The following GRXCR1 variants were observed in gnomAD, a reference collection of about 807,000 sequenced individuals.
GRXCR1 encodes the protein glutaredoxin and cysteine rich domain containing 1.
Under a neutral mutation model 27.3 loss-of-function variants are expected in GRXCR1, and 27 were observed. The ratio of observed to expected loss-of-function variants is 0.99; its 90% CI spans 0.73 to 1.37. GRXCR1 has a LOEUF of 1.37. GRXCR1 is among the 40% of genes most tolerant of loss of function. The probability of loss-of-function intolerance (pLI) is 0.00; values close to 1 mark genes in which losing one functional copy is unlikely to be tolerated. For synonymous variants in GRXCR1, 122 were observed against 131.1 expected (o/e 0.93, Z 0.47); for missense variants, 379 against 354.4 (o/e 1.07, Z -0.56).
chr4:42,906,550 A>G (rs570380373), intron 1 of GRXCR1, among the ~76,000 whole-genome samples: 2 of 152,298 alleles, frequency 1.3e-5, no homozygotes, highest in South Asian at 4.1e-4. Flanking sequence ...TCTGAGGAGA[A>G]TAATGTTAGA....
chr4:42,983,118 G>T (rs1165752037), intron 2 of GRXCR1, among the ~76,000 whole-genome samples: 1 of 150,472 alleles, frequency 6.6e-6, no homozygotes, highest in Non-Finnish European at 1.5e-5. Flanking sequence ...TTTTAGACAT[G>T]AAGTCCTTGC....
At chr4:43,017,816 A>G (rs542537471) in intron 2 of GRXCR1, among the ~76,000 whole-genome samples, 2 of 152,358 alleles carry the variant, frequency 1.3e-5, no homozygotes, top group Non-Finnish European at 2.9e-5. Context: ...GTAAGGAAAT[A>G]CACTCTCTTT....
At chr4:42,900,567 C>T (rs1050926812) in intron 1 of GRXCR1, among the ~76,000 whole-genome samples, 1 of 151,940 alleles carries the variant, frequency 6.6e-6, no homozygotes, top group Non-Finnish European at 1.5e-5. Flanking sequence ...TATATGAAAA[C>T]TCTGTATAAG....
At chr4:42,956,394 C>G (rs1054471114) in intron 1 of GRXCR1, among the ~76,000 whole-genome samples, 3 of 151,718 alleles carry the variant, frequency 2.0e-5, no homozygotes, top group Admixed American at 2.0e-4. Context: ...GACTTCTGGC[C>G]AGATGCTTTG....
At chr4:42,942,831 T>C in intron 1 of GRXCR1, among the ~76,000 whole-genome samples, 2 of 152,210 alleles carry the variant, frequency 1.3e-5, no homozygotes, top group Middle Eastern at 3.4e-3. Context: ...AAGTGGAAAG[T>C]AATAAAAAAT....
chr4:42,920,856 A>G (rs1257615675), intron 1 of GRXCR1, among the ~76,000 whole-genome samples: 1 of 151,404 alleles, frequency 6.6e-6, no homozygotes, highest in Non-Finnish European at 1.5e-5. Flanking sequence ...GGTTTTTTTG[A>G]TTTTCTTTAG....
intron 2 of GRXCR1, among the ~76,000 whole-genome samples, chr4:42,973,574 C>T (rs755004510): frequency 9.2e-5 from 14 of 152,172 alleles, no homozygotes; most frequent in South Asian, 2.1e-4. Flanking sequence ...ACAATTCCCC[C>T]ACTTACTCAG....
At chr4:43,026,074 G>A (rs981901404) in intron 3 of GRXCR1, among the ~76,000 whole-genome samples, 2 of 151,632 alleles carry the variant, frequency 1.3e-5, no homozygotes, top group Non-Finnish European at 2.9e-5. Flanking sequence ...CTAATAATTA[G>A]TAATATTATT....
intron 2 of GRXCR1, among the ~76,000 whole-genome samples, chr4:42,973,240 C>T (rs921636721): frequency 1.8e-4 from 27 of 151,462 alleles, no homozygotes; most frequent in Admixed American, 1.6e-3. Context: ...TTTAGAAAAT[C>T]CCCAAACCAT....
At chr4:42,991,263 T>A (rs576514516) in intron 2 of GRXCR1, among the ~76,000 whole-genome samples, 1 of 152,228 alleles carries the variant, frequency 6.6e-6, no homozygotes, top group African/African-American at 2.4e-5. Flanking sequence ...AAAACATAAT[T>A]GGATTTTATA....
Position 42,905,937 on chromosome 4 carries a change from G to A in GRXCR1, c.384+12287G>A, listed in dbSNP as rs113284342. Reference sequence around the variant, plus strand: ...TGCCACACCATTATCCAGGAATTTTGCTATGATATTAATTTTTCTTGTATG... The same window carrying A: ...TGCCACACCATTATCCAGGAATTTTACTATGATATTAATTTTTCTTGTATG... On this transcript the variant is annotated intron_variant, in intron 1 of 3. Transcript: ENST00000399770. 7.4e-3 allele frequency among the ~76,000 whole-genome samples: 1,130 copies of A among 152,254 alleles called. 12 individuals are homozygous for A. The highest frequency in any genetic ancestry group is 0.026 in the African/African-American group (1,073 of 41,556).
intron 2 of GRXCR1, among the ~76,000 whole-genome samples, chr4:42,983,071 T>A (rs949690600): frequency 6.6e-6 from 1 of 151,628 alleles, no homozygotes; most frequent in Non-Finnish European, 1.5e-5. Context: ...TAGATCCCAT[T>A]TGTCAATTTT....
intron 1 of GRXCR1, among the ~76,000 whole-genome samples, chr4:42,933,952 C>G (rs1438120374): frequency 6.6e-6 from 1 of 151,888 alleles, no homozygotes. Flanking sequence ...ACTCCACCTC[C>G]TTCCCCCAAG....
chr4:42,945,083 C>A (rs532902742), intron 1 of GRXCR1, among the ~76,000 whole-genome samples: 417 of 152,192 alleles, frequency 2.7e-3, no homozygotes, highest in Non-Finnish European at 4.3e-3. Flanking sequence ...TAAAAGAGGC[C>A]AAGGGGAGCT....
At chr4:42,910,163 A>G (rs1212122271) in intron 1 of GRXCR1, among the ~76,000 whole-genome samples, 1 of 152,104 alleles carries the variant, frequency 6.6e-6, no homozygotes, top group Non-Finnish European at 1.5e-5. Flanking sequence ...TCTCACGAGA[A>G]CTCACTATCA....
At chr4:42,909,374 T>C (rs1245446240) in intron 1 of GRXCR1, among the ~76,000 whole-genome samples, 7 of 152,100 alleles carry the variant, frequency 4.6e-5, no homozygotes, top group African/African-American at 1.7e-4. Flanking sequence ...CCGAAGTTAG[T>C]TTACCCGCAC....
At chr4:42,909,202 T>C (rs1490987569) in intron 1 of GRXCR1, among the ~76,000 whole-genome samples, 1 of 152,178 alleles carries the variant, frequency 6.6e-6, no homozygotes, top group East Asian at 1.9e-4. Flanking sequence ...GCATCTGCCA[T>C]ACAGGGTAAT....
At chr4:42,965,947 G>T (rs916725024) in intron 2 of GRXCR1, among the ~76,000 whole-genome samples, 3 of 151,850 alleles carry the variant, frequency 2.0e-5, no homozygotes, top group African/African-American at 7.3e-5. Flanking sequence ...GAGTTTAATG[G>T]ACAAGAAGAA....
chr4:42,922,201 C>G (rs1406018848), intron 1 of GRXCR1, among the ~76,000 whole-genome samples: 3 of 152,072 alleles, frequency 2.0e-5, no homozygotes, highest in Non-Finnish European at 2.9e-5. Flanking sequence ...ACTTCTTGAA[C>G]TTCTTGGAAT....
Sources: gnomAD v4.1 joint callset for allele counts (sites outside exome capture counted in the v4.1 genomes callset) on GRCh38, gnomAD v4.1.1 for gene constraint, MANE v1.5 for transcripts, NCBI Gene and HGNC (gene_info 2026-07-23, HGNC 2026-07-21) for gene names.